HEATR5B: variants seen among roughly 807,000 people sequenced by gnomAD.
HEATR5B encodes HEAT repeat containing 5B.
A neutral mutation model predicts 224.1 loss-of-function variants in HEATR5B; 156 were observed. The ratio of observed to expected loss-of-function variants is 0.70; its 90% CI spans 0.61 to 0.80. The LOEUF (loss-of-function observed/expected upper bound fraction) is 0.80, where lower values mean the gene tolerates loss of function less well. Ranked by LOEUF, HEATR5B falls within the 30% of genes least tolerant of loss-of-function variation. HEATR5B has a pLI of 0.00. For synonymous variants in HEATR5B, 1,027 were observed against 893.0 expected (o/e 1.15, Z -2.68); for missense variants, 2,323 against 2,535.5 (o/e 0.92, Z 1.80).
At chr2:37,014,215 G>A (rs1044394068) in intron 26 of HEATR5B, among the ~76,000 whole-genome samples, 195 bp from the exon 27 acceptor site, 10 of 152,070 alleles carry the variant, frequency 6.6e-5, no homozygotes, top group Middle Eastern at 3.2e-3. Context: ...AGGCTGCAGC[G>A]GAGTGGCGTG....
At chr2:37,060,081 C>A (rs543950387) in intron 12 of HEATR5B, among the ~76,000 whole-genome samples, 2 of 152,240 alleles carry the variant, frequency 1.3e-5, no homozygotes, top group East Asian at 1.9e-4. Flanking sequence ...GCTGTTAACT[C>A]CCAGACAAAA....
chr2:37,025,029 C>T (rs941383342), intron 24 of HEATR5B, among the ~76,000 whole-genome samples: 1 of 152,120 alleles, frequency 6.6e-6, no homozygotes, highest in Non-Finnish European at 1.5e-5. Flanking sequence ...TAATTCCCTA[C>T]AATTAAAGCA....
chr2:36,996,337 G>C (rs1312733715), intron 33 of HEATR5B, among the ~76,000 whole-genome samples: 1 of 151,976 alleles, frequency 6.6e-6, no homozygotes, highest in Non-Finnish European at 1.5e-5. Context: ...GGGATTACAG[G>C]CGTGAGCCAA....
rs1211803814 is a variant in HEATR5B, at chr2:37,008,868, G to C, written c.4285-20C>G. Reference sequence around the variant, plus strand: ...ATATACCTAATATGATATTTATGAGGACAAAATAGTAAGGCATAAGATAAA... The same window carrying C: ...ATATACCTAATATGATATTTATGAGCACAAAATAGTAAGGCATAAGATAAA... On this transcript the variant is annotated intron_variant, in intron 27 of 35. Transcript: ENST00000233099. 1 of 1,374,284 alleles carries C rather than the reference G, an allele frequency of 7.3e-7. No homozygotes were observed. Among genetic ancestry groups the C allele is most frequent in the Non-Finnish European group, 1.0e-6 (1 of 975,032 alleles). The allele number at this position is 1,374,284 out of a possible 1,614,324, so 85.1% of individuals were successfully genotyped here. A position where few individuals can be genotyped will look rare whatever the true frequency, so the allele number is the denominator to read the frequency against.
At chr2:37,040,235 C>A (rs1382030187) in intron 20 of HEATR5B, 94 bp downstream of exon 20, 5 of 1,034,912 alleles carry the variant, frequency 4.8e-6, no homozygotes, top group Non-Finnish European at 7.4e-6. Flanking sequence ...ATTGTTATTA[C>A]AAAATTTCTT....
At chr2:37,054,619 G>A (rs1194770373) in intron 16 of HEATR5B, among the ~76,000 whole-genome samples, 2 of 150,926 alleles carry the variant, frequency 1.3e-5, no homozygotes, top group Non-Finnish European at 2.9e-5. Flanking sequence ...CGAGTAGCTG[G>A]GACTACAGGT....
intron 21 of HEATR5B, among the ~76,000 whole-genome samples, chr2:37,033,560 T>A (rs1669274286): frequency 1.3e-5 from 2 of 152,322 alleles, no homozygotes; most frequent in Middle Eastern, 3.4e-3. Context: ...CATAATCACC[T>A]GAAAAAATTG....
chr2:37,053,389 C>A lies in HEATR5B; in HGVS notation c.2505+113G>T, dbSNP rs543865705. ...TAATTTAACTAAGCTAACGTAAAGG[C>A]ACAGTTACCAAGTGATTTACATATA... On this transcript the variant is annotated intron_variant, in intron 17 of 35. Coordinates refer to ENST00000233099, the MANE Select transcript of HEATR5B (RefSeq NM_019024.3). 3 of 471,302 alleles carry A rather than the reference C, an allele frequency of 6.4e-6. No homozygotes were observed. In the South Asian group the frequency reaches 2.1e-4, roughly 33 times the overall value. 29.2% of individuals were successfully genotyped at this position (471,302 alleles called of 1,614,324 possible).
intron 6 of HEATR5B, among the ~76,000 whole-genome samples, chr2:37,070,757 T>A (rs571288226): frequency 1.1e-4 from 17 of 152,346 alleles, no homozygotes; most frequent in African/African-American, 3.8e-4. Flanking sequence ...CACAGTGCTT[T>A]CTATACAGTA....
rs918380254 is a variant in HEATR5B, at chr2:37,064,740, C to G, written c.1584G>C (p.Lys528Asn). 6.2e-7 allele frequency: 1 copy of G among 1,613,908 alleles called. No individual in the cohort carries two copies. The highest frequency in any genetic ancestry group is 8.5e-7 in the Non-Finnish European group (1 of 1,179,912). Residue 528 changes from lysine (K) to asparagine (N), a missense_variant and splice_region_variant, in exon 10 of 36, where the codon AAG becomes AAC. Transcript: ENST00000233099. ...CPLGIPHAKG[K>N]MVVSIAEDLL... The stretch of plus-strand genomic sequence containing the variant: ...CCCAAGTCTAGGATCTCCGTCATAC[C>G]TTTCCTTTGGCATGAGGAATGCCCA...
chr2:37,076,962 G>A lies in HEATR5B; in HGVS notation c.396C>T (p.Ser132=), dbSNP rs1215290662. The change falls in exon 4 of 36, where the codon AGC becomes AGT. Residue 132 remains serine, a synonymous_variant. Transcript: ENST00000233099. ...GATTATTTACCGTTTCTGGAAATGCGCTGCCCAACATTCTCCCCATTTTTT... is the reference window on the plus strand; with the variant it reads ...GATTATTTACCGTTTCTGGAAATGCACTGCCCAACATTCTCCCCATTTTTT... ...FYEKMGRMLG[S]AFPETVNNLL... 4 of 1,613,866 alleles carry A rather than the reference G, an allele frequency of 2.5e-6. No homozygotes were observed. Among genetic ancestry groups the A allele is most frequent in the African/African-American group, 2.7e-5 (2 of 74,900 alleles).
In HEATR5B at chr2:37,003,546, A is replaced by G. The variant is rs375049975; in HGVS notation, c.5046T>C (p.Thr1682=). ...AGTGTAATTTCTAGTGCTTACTTAGAGTGTTTCTTTTCTCTTGCAAATAAT... is the reference window on the plus strand; with the variant it reads ...AGTGTAATTTCTAGTGCTTACTTAGGGTGTTTCTTTTCTCTTGCAAATAAT... ...AQDYLQEKRN[T]LNEDDMEKEA... Residue 1682 remains threonine, a synonymous_variant, in exon 31 of 36, where the codon ACT becomes ACC. Transcript: ENST00000233099. 29 of 1,599,462 alleles carry G rather than the reference A, an allele frequency of 1.8e-5. No individual in the cohort carries two copies. The East Asian group carries it at 2.7e-4, about 15-fold the overall frequency.
At chr2:37,081,238 T>C (rs1411520343) in intron 2 of HEATR5B, among the ~76,000 whole-genome samples, 1 of 152,156 alleles carries the variant, frequency 6.6e-6, no homozygotes, top group Non-Finnish European at 1.5e-5. Flanking sequence ...TTTTTTTTTA[T>C]ACTTCAAGTT....
At chr2:37,083,187 T>C (rs751339319) in intron 2 of HEATR5B, 102 bp downstream of exon 2, 1 of 1,309,650 alleles carries the variant, frequency 7.6e-7, no homozygotes, top group South Asian at 1.2e-5. Flanking sequence ...GTTCCATAAG[T>C]GACCCATAAA....
chr2:37,047,968 T>C (rs1444578745), intron 18 of HEATR5B, among the ~76,000 whole-genome samples: 1 of 152,108 alleles, frequency 6.6e-6, no homozygotes, highest in African/African-American at 2.4e-5. Context: ...TCATACAGAA[T>C]TTCAGAAAAA....
At chr2:37,075,957 AGAAC>A (rs963662097) in intron 4 of HEATR5B, 7 of 161,856 alleles carry the variant, frequency 4.3e-5, no homozygotes, top group South Asian at 4.0e-4. Flanking sequence ...AAAATATTTC[AGAAC>A]GTAAAATATT....
At chr2:37,051,354 C>CAAAAAAAA (rs11313174) in intron 17 of HEATR5B, among the ~76,000 whole-genome samples, 1 of 66,036 alleles carries the variant, frequency 1.5e-5, no homozygotes, top group Non-Finnish European at 2.8e-5. Flanking sequence ...AACTCCATCT[C>CAAAAAAAA]AAAAAAAAAA....
At chr2:37,059,404 A>ATT (rs1553320945) in intron 12 of HEATR5B, among the ~76,000 whole-genome samples, 3 of 106,942 alleles carry the variant, frequency 2.8e-5, no homozygotes, top group African/African-American at 6.8e-5. Context: ...ATATATATGT[A>ATT]TATGTGTGTG....
chr2:37,019,975 C>T, intron 25 of HEATR5B, 98 bp from the exon 26 acceptor site: 1 of 767,464 alleles, frequency 1.3e-6, no homozygotes, highest in Non-Finnish European at 2.1e-6. Context: ...GCGATCTCGG[C>T]TCATTGCAAC....
Sources: allele counts gnomAD v4.1 joint callset (sites outside exome capture counted in the v4.1 genomes callset), GRCh38; gene constraint gnomAD v4.1.1; transcripts MANE v1.5; gene names NCBI Gene and HGNC (gene_info 2026-07-23, HGNC 2026-07-21).